PTPRT: variants seen among roughly 807,000 people sequenced by gnomAD.
The protein encoded by PTPRT is receptor-type tyrosine-protein phosphatase T.
In PTPRT, 56 loss-of-function variants were observed where a neutral mutation model predicts 176.8. The observed-to-expected ratio is 0.32, with a 90% CI of 0.26 to 0.40. The LOEUF is 0.40. Ranked by LOEUF, PTPRT falls within the 10% of genes least tolerant of loss-of-function variation. PTPRT has a pLI of 1.00. For missense variants in PTPRT, 1,540 were observed against 1,908.2 expected, an observed-to-expected ratio of 0.81 and a Z score of 3.60; for synonymous variants, 783 against 739.0, an observed-to-expected ratio of 1.06 and a Z score of -0.96.
intron 17 of PTPRT, among the ~76,000 whole-genome samples, chr20:42,156,038 T>C (rs1231087523): frequency 1.3e-5 from 2 of 152,208 alleles, no homozygotes. Flanking sequence ...AAACCGTTTC[T>C]GGTTCCCCTC....
At chr20:42,358,216 C>CA (rs2058384327) in intron 9 of PTPRT, among the ~76,000 whole-genome samples, 2 of 143,824 alleles carry the variant, frequency 1.4e-5, no homozygotes, top group South Asian at 4.4e-4. Context: ...AAAACTCTCT[C>CA]TTTTTTTTTT....
intron 7 of PTPRT, among the ~76,000 whole-genome samples, chr20:42,599,406 T>C (rs950744889): frequency 6.6e-6 from 1 of 152,154 alleles, no homozygotes; most frequent in African/African-American, 2.4e-5. Flanking sequence ...AATTGATGCA[T>C]GTCTTCTGAG....
At chr20:42,172,655 A>G (rs1423920031) in intron 16 of PTPRT, among the ~76,000 whole-genome samples, 1 of 152,204 alleles carries the variant, frequency 6.6e-6, no homozygotes, top group Non-Finnish European at 1.5e-5. Flanking sequence ...CTATAGTACA[A>G]TATTATAACC....
chr20:42,138,972 A>G (rs978289168), intron 18 of PTPRT, among the ~76,000 whole-genome samples: 42 of 152,138 alleles, frequency 2.8e-4, no homozygotes, highest in African/African-American at 9.9e-4. Flanking sequence ...AATCACAGCC[A>G]GTTTTCTTCT....
At chr20:42,964,935 A>G (rs1257850989) in intron 1 of PTPRT, among the ~76,000 whole-genome samples, 2 of 152,254 alleles carry the variant, frequency 1.3e-5, no homozygotes, top group East Asian at 3.8e-4. Flanking sequence ...TAGAATATCC[A>G]TTCTTGATTT....
chr20:42,671,161 T>C (rs936052242), intron 7 of PTPRT, among the ~76,000 whole-genome samples: 1 of 152,162 alleles, frequency 6.6e-6, no homozygotes, highest in Non-Finnish European at 1.5e-5. Flanking sequence ...TCCACTGCCC[T>C]TGGTTCTCAC....
chr20:42,914,885 A>C (rs1416649199), intron 1 of PTPRT, among the ~76,000 whole-genome samples: 1 of 152,112 alleles, frequency 6.6e-6, no homozygotes, highest in African/African-American at 2.4e-5. Context: ...GTTAAAAAAA[A>C]AAAAAATACA....
At chr20:42,554,760 G>A (rs2072831044) in intron 7 of PTPRT, among the ~76,000 whole-genome samples, 1 of 152,048 alleles carries the variant, frequency 6.6e-6, no homozygotes, top group Non-Finnish European at 1.5e-5. Context: ...ACTTAAGCTG[G>A]TCAAATTTGT....
chr20:42,468,005 G>T (rs1424181316), intron 8 of PTPRT, among the ~76,000 whole-genome samples: 1 of 152,148 alleles, frequency 6.6e-6, no homozygotes, highest in Non-Finnish European at 1.5e-5. Flanking sequence ...AGCGAACTGT[G>T]GTTTTGTCTG....
intron 7 of PTPRT, among the ~76,000 whole-genome samples, chr20:42,672,948 T>C (rs953180023): frequency 6.6e-6 from 1 of 152,216 alleles, no homozygotes; most frequent in Non-Finnish European, 1.5e-5. Context: ...CTGCCACCAG[T>C]GCCTAGCACA....
intron 2 of PTPRT, among the ~76,000 whole-genome samples, chr20:42,792,295 G>C (rs1339522631): frequency 6.6e-6 from 1 of 152,226 alleles, no homozygotes; most frequent in Non-Finnish European, 1.5e-5. Flanking sequence ...TTGTTTGCCA[G>C]TGAGTTTCTT....
intron 2 of PTPRT, among the ~76,000 whole-genome samples, chr20:42,814,318 T>C (rs1431342617): frequency 6.6e-6 from 1 of 152,244 alleles, no homozygotes; most frequent in African/African-American, 2.4e-5. Flanking sequence ...AGAGGAATTC[T>C]GTAATTCAGT....
intron 1 of PTPRT, among the ~76,000 whole-genome samples, chr20:43,138,110 T>C (rs1263637161): frequency 3.3e-5 from 5 of 152,186 alleles, no homozygotes; most frequent in Non-Finnish European, 7.3e-5. Flanking sequence ...GCTCCAAGCA[T>C]AGGGCCCGGC....
At chr20:43,070,370 G>A (rs1236060880) in intron 1 of PTPRT, among the ~76,000 whole-genome samples, 1 of 152,200 alleles carries the variant, frequency 6.6e-6, no homozygotes, top group Admixed American at 6.5e-5. Flanking sequence ...CTTTTACACT[G>A]TTGGTGGGAC....
intron 27 of PTPRT, among the ~76,000 whole-genome samples, chr20:42,094,031 G>A (rs950581587): frequency 9.2e-5 from 14 of 152,202 alleles, no homozygotes; most frequent in African/African-American, 2.9e-4. Flanking sequence ...CAACATCTGG[G>A]CCTGAAAGAT....
intron 1 of PTPRT, among the ~76,000 whole-genome samples, chr20:42,888,631 C>A (rs1195979517): frequency 1.3e-5 from 2 of 152,158 alleles, no homozygotes; most frequent in Admixed American, 1.3e-4. Flanking sequence ...GAGAATTATT[C>A]CCCCAAACCA....
intron 1 of PTPRT, among the ~76,000 whole-genome samples, chr20:43,052,326 C>T (rs146682842): frequency 2.0e-3 from 298 of 152,360 alleles, no homozygotes; most frequent in Non-Finnish European, 3.6e-3. Context: ...CAAAATATCA[C>T]GTGCTATCTA....
At chr20:42,772,559 T>G (rs774231472) in intron 4 of PTPRT, among the ~76,000 whole-genome samples, 12 of 152,206 alleles carry the variant, frequency 7.9e-5, no homozygotes, top group Non-Finnish European at 1.2e-4. Flanking sequence ...CTACCTGCAC[T>G]CTACAAATAA....
At chr20:42,239,911 A>G (rs2056320701) in intron 14 of PTPRT, among the ~76,000 whole-genome samples, 1 of 152,194 alleles carries the variant, frequency 6.6e-6, no homozygotes, top group Non-Finnish European at 1.5e-5. Flanking sequence ...TTATAAGTCC[A>G]TGCCTCACTA....
Sources: gnomAD v4.1 joint callset for allele counts (sites outside exome capture counted in the v4.1 genomes callset) on GRCh38, gnomAD v4.1.1 for gene constraint, MANE v1.5 for transcripts, NCBI Gene and HGNC (gene_info 2026-07-23, HGNC 2026-07-21) for gene names.